LARS2: variants seen among roughly 807,000 people sequenced by gnomAD.
LARS2 encodes the protein leucyl-tRNA synthetase 2, mitochondrial, also known as leucine--tRNA ligase, mitochondrial.
Under a neutral mutation model 116.6 loss-of-function variants are expected in LARS2, and 81 were observed. That is an observed-to-expected ratio of 0.69 (90% CI 0.58 to 0.84). The LOEUF (loss-of-function observed/expected upper bound fraction) is 0.84, where lower values mean the gene tolerates loss of function less well. Ranked by LOEUF, LARS2 falls within the 40% of genes least tolerant of loss-of-function variation. The pLI is 0.00. For synonymous variants in LARS2, 396 were observed against 407.2 expected (o/e 0.97, Z 0.33); for missense variants, 968 against 1,114.5 (o/e 0.87, Z 1.87).
Position 45,530,804 on chromosome 3 carries a change from C to A in LARS2, c.2404+6696C>A, listed in dbSNP as rs372089903. On this transcript the variant is annotated intron_variant, in intron 20 of 21. Transcript: ENST00000645846. The stretch of plus-strand genomic sequence containing the variant: ...GCATTTTTACAGACAGTTTTAACAC[C>A]TGGCAGACTAGCCTTTCTTCATTTC... 1.1e-4 allele frequency among the ~76,000 whole-genome samples: 16 copies of A among 152,318 alleles called. No individual in the cohort carries two copies. The East Asian group carries it at 2.3e-3, about 22-fold the overall frequency.
chr3:45,436,590 C>G (rs1022193321), intron 6 of LARS2, among the ~76,000 whole-genome samples: 10 of 151,354 alleles, frequency 6.6e-5, no homozygotes, highest in East Asian at 1.9e-4. Flanking sequence ...GTCAGGAGAT[C>G]GAGACCATCC....
At chr3:45,540,742 A>ATCTG (rs145996918) in intron 20 of LARS2, among the ~76,000 whole-genome samples, 26,657 of 122,622 alleles carry the variant, frequency 0.22, 2,607 homozygotes, top group Middle Eastern at 0.27. Flanking sequence ...GCATGTATCT[A>ATCTG]TCTGTCTATC....
intron 12 of LARS2, among the ~76,000 whole-genome samples, chr3:45,490,650 C>T (rs190201878): frequency 7.9e-5 from 12 of 152,242 alleles, no homozygotes; most frequent in African/African-American, 2.6e-4. Flanking sequence ...TTCTTTATGC[C>T]TCTTGACTGT....
intron 4 of LARS2, among the ~76,000 whole-genome samples, chr3:45,416,564 C>T (rs967782561): frequency 6.6e-6 from 1 of 152,214 alleles, no homozygotes; most frequent in African/African-American, 2.4e-5. Flanking sequence ...ATGTGTTCTG[C>T]AGCACTGTCC....
intron 7 of LARS2, among the ~76,000 whole-genome samples, chr3:45,448,221 A>G (rs1010969784): frequency 6.6e-6 from 1 of 152,226 alleles, no homozygotes; most frequent in East Asian, 1.9e-4. Context: ...TTCCATAACA[A>G]ATATTGGCTT....
chr3:45,437,882 A>G (rs1698833086), intron 6 of LARS2, among the ~76,000 whole-genome samples: 1 of 152,108 alleles, frequency 6.6e-6, no homozygotes, highest in Non-Finnish European at 1.5e-5. Flanking sequence ...AGACCTTACC[A>G]TTTACAGTTT....
At chr3:45,467,174 G>C (rs1699438164) in intron 8 of LARS2, among the ~76,000 whole-genome samples, 1 of 152,146 alleles carries the variant, frequency 6.6e-6, no homozygotes, top group South Asian at 2.1e-4. Flanking sequence ...CCAGTGCTCT[G>C]TCCTTACCCT....
chr3:45,417,482 G>C lies in LARS2; in HGVS notation c.364G>C (p.Val122Leu). Residue 122 changes from valine (V) to leucine (L), a missense_variant and splice_region_variant, in exon 5 of 22, where the codon GTC becomes CTC. Coordinates refer to ENST00000645846, the MANE Select transcript of LARS2 (RefSeq NM_015340.4). ...TTGATGTTCCTCTTCTGGGTCCTAG[G>C]TCATCAACCCCATGGGATGGGATGC... is the stretch of plus-strand genomic sequence containing the variant. ...ARFQKMRGMQ[V>L]INPMGWDAFG... The C allele has an allele frequency of 6.2e-7, 1 of 1,612,460 alleles. No homozygotes were observed. Among genetic ancestry groups the C allele is most frequent in the Non-Finnish European group, 8.5e-7 (1 of 1,178,516 alleles).
intron 4 of LARS2, among the ~76,000 whole-genome samples, chr3:45,409,453 A>G (rs567211745): frequency 1.1e-4 from 17 of 152,332 alleles, no homozygotes; most frequent in Non-Finnish European, 2.4e-4. Context: ...GGTGCATGAG[A>G]CATGTACAAG....
intron 1 of LARS2, among the ~76,000 whole-genome samples, chr3:45,389,529 C>T (rs1697901751): frequency 6.6e-6 from 1 of 152,246 alleles, no homozygotes; most frequent in Admixed American, 6.5e-5. Flanking sequence ...TCCCTCCTGC[C>T]TGTGCAGGGC....
chr3:45,498,265 C>G (rs1327390589), intron 14 of LARS2, among the ~76,000 whole-genome samples: 1 of 152,228 alleles, frequency 6.6e-6, no homozygotes, highest in African/African-American at 2.4e-5. Flanking sequence ...TCCCTCATGA[C>G]ACACTGTAGT....
intron 21 of LARS2, among the ~76,000 whole-genome samples, chr3:45,543,979 A>G (rs947584319): frequency 2.6e-5 from 4 of 152,190 alleles, no homozygotes; most frequent in Non-Finnish European, 4.4e-5. Context: ...TTGAAATGCA[A>G]ACCTAAAATG....
chr3:45,513,343 G>T, intron 16 of LARS2, 108 bp downstream of exon 16: 2 of 762,724 alleles, frequency 2.6e-6, no homozygotes, highest in Admixed American at 2.0e-5. Context: ...GAGGATGCAG[G>T]AGAGAGACCC....
chr3:45,482,180 C>T (rs571994057), intron 10 of LARS2, among the ~76,000 whole-genome samples: 7 of 152,260 alleles, frequency 4.6e-5, no homozygotes, highest in Middle Eastern at 3.4e-3. Flanking sequence ...TGTTTTCATG[C>T]GGGCTTCACA....
chr3:45,459,817 A>G (rs1027747968), intron 8 of LARS2, among the ~76,000 whole-genome samples: 1 of 152,228 alleles, frequency 6.6e-6, no homozygotes, highest in Non-Finnish European at 1.5e-5. Context: ...GAGACTGGAC[A>G]TAAGTAGGGT....
chr3:45,527,353 G>A (rs1269681067), intron 20 of LARS2, among the ~76,000 whole-genome samples: 3 of 152,132 alleles, frequency 2.0e-5, no homozygotes, highest in Non-Finnish European at 1.5e-5. Context: ...TGCCGGGCGC[G>A]GTGGCTCACG....
chr3:45,406,161 G>A (rs574710516), intron 4 of LARS2, among the ~76,000 whole-genome samples: 2 of 152,326 alleles, frequency 1.3e-5, no homozygotes, highest in East Asian at 3.9e-4. Flanking sequence ...ATTGGAGCCT[G>A]TGGAATTTGA....
chr3:45,457,751 C>T lies in LARS2; in HGVS notation c.607-992C>T, dbSNP rs540899047. 6.6e-5 allele frequency among the ~76,000 whole-genome samples: 10 copies of T among 152,298 alleles called. No individual in the cohort carries two copies. In the East Asian group the frequency reaches 1.9e-3, roughly 29 times the overall value. ...TAAGTCCCCAACACACCCCTCTGTA[C>T]TCATTCCCTTCTTTGTACCAAGTGG... On this transcript the variant is annotated intron_variant, in intron 7 of 21. Coordinates refer to ENST00000645846, the MANE Select transcript of LARS2 (RefSeq NM_015340.4).
chr3:45,420,526 G>T (rs1490278903), intron 6 of LARS2, among the ~76,000 whole-genome samples: 2 of 152,202 alleles, frequency 1.3e-5, no homozygotes, highest in African/African-American at 4.8e-5. Context: ...AAATGCAAAT[G>T]AGGGCTCCTC....
Sources: gnomAD v4.1 joint callset for allele counts (sites outside exome capture counted in the v4.1 genomes callset) on GRCh38, gnomAD v4.1.1 for gene constraint, MANE v1.5 for transcripts, NCBI Gene and HGNC (gene_info 2026-07-23, HGNC 2026-07-21) for gene names.